The following PTPRD variants were observed in gnomAD, a reference collection of about 807,000 sequenced individuals.
PTPRD encodes the protein receptor-type tyrosine-protein phosphatase delta.
PTPRD carries 34 observed loss-of-function variants against 214.5 expected under a neutral mutation model. The ratio of observed to expected loss-of-function variants is 0.16; its 90% confidence interval spans 0.12 to 0.21. The LOEUF (loss-of-function observed/expected upper bound fraction) is 0.21, where lower values mean the gene tolerates loss of function less well. Among genes scored for constraint, PTPRD ranks in the 10% least tolerant of loss-of-function variants. The pLI is 1.00. For synonymous variants in PTPRD, 1,128 were observed against 845.7 expected (o/e 1.33, Z -5.79); for missense variants, 2,545 against 2,398.7 (o/e 1.06, Z -1.27).
chr9:10,380,729 C>A (rs1047734872), intron 2 of PTPRD, among the ~76,000 whole-genome samples: 4 of 151,904 alleles, frequency 2.6e-5, no homozygotes, highest in Non-Finnish European at 5.9e-5. Context: ...TGAACATAAC[C>A]ATAGAAAAAT....
At chr9:10,586,070 T>C (rs1012922150) in intron 2 of PTPRD, among the ~76,000 whole-genome samples, 2 of 152,044 alleles carry the variant, frequency 1.3e-5, no homozygotes, top group African/African-American at 4.8e-5. Context: ...TAAGATGTTC[T>C]TTTCAAAACA....
chr9:8,722,711 G>A (rs2098514314), intron 12 of PTPRD, among the ~76,000 whole-genome samples: 1 of 152,084 alleles, frequency 6.6e-6, no homozygotes, highest in Admixed American at 6.5e-5. Flanking sequence ...CTTTACAAAT[G>A]TACCGTCCTT....
At chr9:9,341,462 C>T (rs903930175) in intron 9 of PTPRD, among the ~76,000 whole-genome samples, 7 of 152,138 alleles carry the variant, frequency 4.6e-5, no homozygotes, top group African/African-American at 1.7e-4. Flanking sequence ...CTATTCAGTG[C>T]CCATGCTCAG....
At chr9:9,988,825 C>T (rs1236646296) in intron 4 of PTPRD, among the ~76,000 whole-genome samples, 2 of 151,046 alleles carry the variant, frequency 1.3e-5, no homozygotes, top group African/African-American at 2.4e-5. Flanking sequence ...TTTTTATGGC[C>T]ACACATTATA....
chr9:10,267,005 A>G (rs757127296), intron 3 of PTPRD, among the ~76,000 whole-genome samples: 21 of 152,088 alleles, frequency 1.4e-4, no homozygotes, highest in South Asian at 4.1e-4. Flanking sequence ...CCTGGCTAAC[A>G]TGGTGAAACC....
chr9:9,652,702 C>T (rs1021487340), intron 7 of PTPRD, among the ~76,000 whole-genome samples: 2 of 151,656 alleles, frequency 1.3e-5, no homozygotes, highest in Non-Finnish European at 2.9e-5. Flanking sequence ...GCAATCTCCA[C>T]CTCCCAGGTT....
At chr9:9,578,827 A>T (rs2089871056) in intron 7 of PTPRD, among the ~76,000 whole-genome samples, 1 of 152,152 alleles carries the variant, frequency 6.6e-6, no homozygotes, top group South Asian at 2.1e-4. Flanking sequence ...TTGAACCTGA[A>T]GTTAACTAAA....
rs1490550266 is a variant in PTPRD, at chr9:9,298,968, T to C, written c.-203+98481A>G. ...TTTCTTAATATAAAAGACTTAAATG[T>C]GTTTGCTAATTAATATACTTTAAGC... On this transcript the variant is annotated intron_variant, in intron 9 of 45. Coordinates refer to ENST00000381196, the MANE Select transcript of PTPRD (RefSeq NM_002839.4). Among the ~76,000 whole-genome samples, 8 of 151,794 alleles carry C rather than the reference T, an allele frequency of 5.3e-5. 1 individual carries two copies. In the South Asian group the frequency reaches 1.4e-3, roughly 28 times the overall value.
intron 12 of PTPRD, among the ~76,000 whole-genome samples, chr9:8,696,642 T>C (rs569869083): frequency 6.6e-6 from 1 of 152,018 alleles, no homozygotes; most frequent in African/African-American, 2.4e-5. Flanking sequence ...GGGAAGACAA[T>C]GGATGAAAAT....
chr9:10,594,847 T>A (rs116111651), intron 2 of PTPRD, among the ~76,000 whole-genome samples: 2,743 of 152,076 alleles, frequency 0.018, 81 homozygotes, highest in African/African-American at 0.062. Context: ...AGCAGCTCTT[T>A]GTCACAATAC....
At chr9:10,014,040 A>C (rs2096652570) in intron 4 of PTPRD, among the ~76,000 whole-genome samples, 1 of 152,006 alleles carries the variant, frequency 6.6e-6, no homozygotes. Flanking sequence ...GTTTCTGAAT[A>C]AATAAATCTT....
intron 10 of PTPRD, among the ~76,000 whole-genome samples, chr9:9,069,631 G>A (rs991243933): frequency 1.1e-4 from 17 of 152,312 alleles, no homozygotes; most frequent in East Asian, 3.9e-4. Flanking sequence ...TTTATTAAAT[G>A]CCAATTATTT....
chr9:8,976,882 G>A (rs962697159), intron 11 of PTPRD, among the ~76,000 whole-genome samples: 1 of 152,044 alleles, frequency 6.6e-6, no homozygotes, highest in African/African-American at 2.4e-5. Context: ...TTTTTTCTAC[G>A]AGGATGATGT....
intron 10 of PTPRD, among the ~76,000 whole-genome samples, chr9:9,106,675 A>G (rs1337173018): frequency 6.7e-6 from 1 of 148,390 alleles, no homozygotes; most frequent in Non-Finnish European, 1.5e-5. Context: ...TAATAGGTGT[A>G]TAATTTGCCA....
chr9:8,495,445 T>C (rs543596693), intron 26 of PTPRD, among the ~76,000 whole-genome samples: 1 of 152,218 alleles, frequency 6.6e-6, no homozygotes, highest in Non-Finnish European at 1.5e-5. Context: ...TAACTCTTTT[T>C]ACCTGCTTTC....
At chr9:10,541,235 A>G (rs1156920039) in intron 2 of PTPRD, among the ~76,000 whole-genome samples, 3 of 152,202 alleles carry the variant, frequency 2.0e-5, no homozygotes, top group Admixed American at 6.5e-5. Flanking sequence ...TGTAACATCA[A>G]TCTAAGCTGC....
intron 44 of PTPRD, among the ~76,000 whole-genome samples, chr9:8,320,657 A>AAAAAATGGTTAAGAGCCATTG (rs1554667333): frequency 1.3e-5 from 2 of 151,832 alleles, no homozygotes; most frequent in African/African-American, 4.8e-5. Flanking sequence ...CTAATCTTAA[A>AAAAAATGGTTAAGAGCCATTG]AAAAAATGGT....
rs755171277 is a variant in PTPRD, at chr9:8,504,424, T to C, written c.1678-19A>G. On this transcript the variant is annotated intron_variant, in intron 22 of 45. Transcript: ENST00000381196. ...TTCGTTGCTGGAAGCAATAAGAGAA[T>C]GTGGTCATCTTCATTAAGGTTCATG... 10 of 1,613,730 alleles carry C rather than the reference T, an allele frequency of 6.2e-6. No homozygotes were observed. The highest frequency in any genetic ancestry group is 1.1e-5 in the South Asian group (1 of 91,064).
At chr9:9,509,734 G>A (rs1437485199) in intron 8 of PTPRD, among the ~76,000 whole-genome samples, 1 of 151,270 alleles carries the variant, frequency 6.6e-6, no homozygotes, top group Non-Finnish European at 1.5e-5. Context: ...AGTAGCAGGG[G>A]TTACACCAAA....
Sources: allele counts gnomAD v4.1 joint callset (sites outside exome capture counted in the v4.1 genomes callset), GRCh38; gene constraint gnomAD v4.1.1; transcripts MANE v1.5; gene names NCBI Gene and HGNC (gene_info 2026-07-23, HGNC 2026-07-21).